The following KMT2D variants were observed in gnomAD, a reference collection of about 807,000 sequenced individuals.
KMT2D encodes the protein histone-lysine N-methyltransferase 2D.
In KMT2D, 55 loss-of-function variants were observed where a neutral mutation model predicts 512.7. That is an observed-to-expected ratio of 0.11 (90% CI 0.09 to 0.13). KMT2D has a LOEUF of 0.13. KMT2D is among the 10% of genes least tolerant of loss of function. The pLI is 1.00. For synonymous variants in KMT2D, 2,995 were observed against 2,904.0 expected, an observed-to-expected ratio of 1.03 and a Z score of -1.01; for missense variants, 6,061 against 7,127.9, an observed-to-expected ratio of 0.85 and a Z score of 5.39.
In KMT2D at chr12:49,052,634, T is replaced by C; in HGVS notation, c.1188A>G (p.Pro396=). The change falls in exon 10 of 55, where the codon CCA becomes CCG. Residue 396 remains proline (P), a synonymous_variant. Coordinates refer to ENST00000301067, the MANE Select transcript of KMT2D (RefSeq NM_003482.4). ...GCATAGAGGTCACGTGCCCACCCTT[T>C]GGCTGCCCTTGGCATGCAACGTACA... is the stretch of plus-strand genomic sequence containing the variant. ...DALYVACQGQ[P]KGGHVTSMQP... The C allele has an allele frequency of 6.2e-7, 1 of 1,613,682 alleles. No homozygotes were observed. Among genetic ancestry groups the C allele is most frequent in the Non-Finnish European group, 8.5e-7 (1 of 1,179,694 alleles).
At position 49,032,012 on chromosome 12, in the gene KMT2D, CAGCTGCCGCTGCATGAGGAGTGCCTGT is replaced by C; in HGVS notation, c.12666_12692del (p.Ala4224_Gln4232del). 3 of 1,607,076 alleles carry C rather than the reference CAGCTGCCGCTGCATGAGGAGTGCCTGT, an allele frequency of 1.9e-6. No homozygotes were observed. Among genetic ancestry groups the C allele is most frequent in the South Asian group, 1.1e-5 (1 of 90,356 alleles). On this transcript the variant is annotated inframe_deletion, in exon 40 of 55. Transcript: ENST00000301067. ...TCTGGCGTACTGCCTGACTCTGCTG[CAGCTGCCGCTGCATGAGGAGTGCCTGT>C]AGCTGCTGCTGCTGCTGAGGACTTA...
chr12:49,050,980 A>G lies in KMT2D; in HGVS notation c.2703T>C (p.Ser901=), dbSNP rs2120661130. ...LSPLLGEPAL[S]EPGEPPLSPL... ...GGGACAGAGGTGGTTCCCCAGGCTC[A>G]GACAGGGCTGGCTCTCCAAGCAAGG... The change falls in exon 11 of 55, where the codon TCT becomes TCC. Residue 901 remains serine (S), a synonymous_variant. Coordinates refer to ENST00000301067, the MANE Select transcript of KMT2D (RefSeq NM_003482.4). The G allele has an allele frequency of 6.4e-7, 1 of 1,565,192 alleles. No individual in the cohort carries two copies. The highest frequency in any genetic ancestry group is 1.2e-5 in the South Asian group (1 of 82,930).
intron 15 of KMT2D, 39 bp downstream of exon 15, chr12:49,047,926 C>G (rs755444261): frequency 7.1e-7 from 1 of 1,404,326 alleles, no homozygotes; most frequent in South Asian, 1.2e-5. Flanking sequence ...AATAACTGAC[C>G]CTATTCCCCA....
Position 49,054,035 on chromosome 12 carries a change from ATAGG to A in KMT2D, c.612_615del (p.Leu205ProfsTer2). On this transcript the variant is annotated frameshift_variant, in exon 6 of 55. Coordinates refer to ENST00000301067, the MANE Select transcript of KMT2D (RefSeq NM_003482.4). LOFTEE classifies it high-confidence loss of function. This position sits in a 1 kb window ranked among gnomAD's most constrained non-coding sequence, Gnocchi z 6.4. Reference sequence around the variant, plus strand: ...CATAGCAGCTGCAGTGTTTTCATGGATAGGAAGGAACCGCTGGCAGTCGCGCAGG... The same window carrying A: ...CATAGCAGCTGCAGTGTTTTCATGGAAAGGAACCGCTGGCAGTCGCGCAGG... The A allele has an allele frequency of 6.2e-7, 1 of 1,613,914 alleles. No individual in the cohort carries two copies. Among genetic ancestry groups the A allele is most frequent in the Non-Finnish European group, 8.5e-7 (1 of 1,179,878 alleles).
At position 49,047,380 on chromosome 12, in the gene KMT2D, G is replaced by C. The variant is rs550079310; in HGVS notation, c.4236+585C>G. Reference sequence around the variant, plus strand: ...GCCAAGCCCCTAAAAAGAGACTGTGGACCGAATTAGGTCCCCCAGTTTTTC... The same window carrying C: ...GCCAAGCCCCTAAAAAGAGACTGTGCACCGAATTAGGTCCCCCAGTTTTTC... On this transcript the variant is annotated intron_variant, in intron 15 of 54. Coordinates refer to ENST00000301067, the MANE Select transcript of KMT2D (RefSeq NM_003482.4). Among the ~76,000 whole-genome samples the C allele has an allele frequency of 2.7e-5, 4 of 150,474 alleles. No homozygotes were observed. The South Asian group carries it at 8.5e-4, about 32-fold the overall frequency.
Position 49,029,223 on chromosome 12 carries a change from C to T in KMT2D, c.14089G>A (p.Glu4697Lys), listed in dbSNP as rs2120394455. The T allele has an allele frequency of 1.2e-6, 2 of 1,612,088 alleles. No homozygotes were observed. The highest frequency in any genetic ancestry group is 1.7e-6 in the Non-Finnish European group (2 of 1,178,270). ...ATGCTGTCAGGAGAATCGCTATCCT[C>T]ATCACTCTCCATCCTGGGGACCAAA... ...QTEDVRMESD[E>K]DSDSPDSIVP... is the part of the protein sequence containing the mutation. The change falls in exon 45 of 55, where the codon GAG becomes AAG. Residue 4697 changes from glutamate (E) to lysine (K), a missense_variant. Around this residue, in one of 16 missense-constraint regions of KMT2D, gnomAD observed 1,600 missense variants for 1,754.9 expected, o/e 0.91. Transcript: ENST00000301067.
At position 49,037,386 on chromosome 12, in the gene KMT2D, C is replaced by G. The variant is rs765543006; in HGVS notation, c.9970G>C (p.Gly3324Arg). The G allele has an allele frequency of 1.6e-5, 26 of 1,608,398 alleles. No homozygotes were observed. Among genetic ancestry groups the G allele is most frequent in the Admixed American group, 1.2e-4 (7 of 59,140 alleles). Residue 3324 changes from glycine to arginine, a missense_variant, in exon 35 of 55, where the codon GGT (glycine) becomes CGT (arginine). Around this residue, in one of 16 missense-constraint regions of KMT2D, gnomAD observed 533 missense variants for 539.6 expected, o/e 0.99. Coordinates refer to ENST00000301067, the MANE Select transcript of KMT2D (RefSeq NM_003482.4). ...SLGLAGARQP[G>R]LPQPLMPTQP... Reference sequence around the variant, plus strand: ...GTGGGCATCAGTGGCTGGGGCAAACCTGGCTGTCGGGCACCTGCAAGACCC... The same window carrying G: ...GTGGGCATCAGTGGCTGGGGCAAACGTGGCTGTCGGGCACCTGCAAGACCC...
In KMT2D at chr12:49,019,606, C is replaced by A. The variant is rs902517120; in HGVS notation, c.*2174G>T. On this transcript the variant is annotated 3_prime_UTR_variant, in exon 55 of 55. Coordinates refer to ENST00000301067, the MANE Select transcript of KMT2D (RefSeq NM_003482.4). ...CCCAAGCCCCAAACACAGCCTGACT[C>A]ACGGGAGCCAATCTCCCCCTCCCTG... 7 of 229,738 alleles carry A rather than the reference C, an allele frequency of 3.0e-5. No individual in the cohort carries two copies. The highest frequency in any genetic ancestry group is 1.6e-4 in the African/African-American group (7 of 45,066). The allele number at this position is 229,738 out of a possible 1,614,324, so 14.2% of individuals were successfully genotyped here. A position where few individuals can be genotyped will look rare whatever the true frequency, so the allele number is the denominator to read the frequency against.
intron 35 of KMT2D, among the ~76,000 whole-genome samples, chr12:49,036,655 A>G (rs887376616): frequency 6.6e-6 from 1 of 151,858 alleles, no homozygotes; most frequent in Non-Finnish European, 1.5e-5. Flanking sequence ...CGCCCGGCTC[A>G]CACCCAGCTA....
In KMT2D at chr12:49,051,653, T is replaced by C. The variant is rs2120674015; in HGVS notation, c.2030A>G (p.Glu677Gly). ...EESPLSPPPE[E>G]SPTSPPPEAS... ...CTCAGGTGGAGGGGACGTGGGAGAC[T>C]CCTCAGGCGGTGGGGACAAGGGAGA... Residue 677 changes from glutamate to glycine, a missense_variant, in exon 11 of 55, where the codon GAG (glutamate) becomes GGG (glycine). Glu to Gly is a moderately conservative substitution (Grantham distance 98). Coordinates refer to ENST00000301067, the MANE Select transcript of KMT2D (RefSeq NM_003482.4). 1 of 1,563,658 alleles carries C rather than the reference T, an allele frequency of 6.4e-7. No homozygotes were observed. Among genetic ancestry groups the C allele is most frequent in the South Asian group, 1.2e-5 (1 of 83,498 alleles).
Position 49,030,421 on chromosome 12 carries a change from G to T in KMT2D, c.13858C>A (p.Pro4620Thr). Residue 4620 changes from proline (P) to threonine (T), a missense_variant, in exon 43 of 55, where the codon CCG becomes ACG. Coordinates refer to ENST00000301067, the MANE Select transcript of KMT2D (RefSeq NM_003482.4). ...LLTKNNLSNP[P>T]TPPSSLPPTP... The stretch of plus-strand genomic sequence containing the variant: ...GGGGGCAGCGACGAGGGTGGTGTCG[G>T]CGGGTTACTCAGGTTATTCTGAGGG... 7.8e-7 allele frequency: 1 copy of T among 1,288,666 alleles called. No homozygotes were observed. Among genetic ancestry groups the T allele is most frequent in the Non-Finnish European group, 1.0e-6 (1 of 965,020 alleles). 79.8% of individuals were successfully genotyped at this position (1,288,666 alleles called of 1,614,324 possible).
chr12:49,029,106 C>A lies in KMT2D; in HGVS notation c.14206G>T (p.Ala4736Ser), dbSNP rs758164631. Residue 4736 changes from alanine (A) to serine (S), a missense_variant, in exon 45 of 55, where the codon GCC (alanine) becomes TCC (serine). Physicochemically the swap from Ala to Ser is moderately conservative, Grantham distance 99 (BLOSUM62 1). Coordinates refer to ENST00000301067, the MANE Select transcript of KMT2D (RefSeq NM_003482.4). ...GSGRWEQEDR[A>S]LSPVIPLIPR... The stretch of plus-strand genomic sequence containing the variant: ...ATGAGGGGGATGACAGGGGAGAGGG[C>A]CCGGTCCTCTTGCTCCCACCGGCCT... 2.2e-5 allele frequency: 35 copies of A among 1,610,378 alleles called. No homozygotes were observed. The highest frequency in any genetic ancestry group is 3.0e-5 in the Non-Finnish European group (35 of 1,177,402).
rs775760432 is a variant in KMT2D, at chr12:49,045,988, G to A, written c.4694-21C>T. On this transcript the variant is annotated intron_variant, in intron 18 of 54. Coordinates refer to ENST00000301067, the MANE Select transcript of KMT2D (RefSeq NM_003482.4). ...AGGCGCTATGGAGAGAAGGACAAAC[G>A]GAGGTGGCTGAGGTCCTGTCCCAAA... 2.5e-5 allele frequency: 41 copies of A among 1,613,766 alleles called. 1 individual carries two copies. The highest frequency in any genetic ancestry group is 1.9e-4 in the South Asian group (17 of 91,078).
In KMT2D at chr12:49,052,439, A is replaced by C. The variant is rs747689383; in HGVS notation, c.1259-15T>G. ...CCCTGCTTTCCCTGCAGACACAACA[A>C]CACGATGCTCCTATCTAGCTCAGAT... On this transcript the variant is annotated splice_polypyrimidine_tract_variant and intron_variant, in intron 10 of 54. Coordinates refer to ENST00000301067, the MANE Select transcript of KMT2D (RefSeq NM_003482.4). The C allele has an allele frequency of 6.5e-6, 10 of 1,542,688 alleles. No individual in the cohort carries two copies. Among genetic ancestry groups the C allele is most frequent in the Admixed American group, 3.9e-5 (2 of 51,314 alleles).
Position 49,034,250 on chromosome 12 carries a change from C to A in KMT2D, c.10557G>T (p.Gln3519His), listed in dbSNP as rs1450963712. 6.2e-7 allele frequency: 1 copy of A among 1,613,672 alleles called. No homozygotes were observed. ...QYEEWLFHTQ[Q>H]LLQMQLKVLE... ...GCACCTTCAGCTGCATCTGTAGGAG[C>A]TGCTGGGTATGGAACAGCCACTCCT... Residue 3519 changes from glutamine (Q) to histidine (H), a missense_variant, in exon 39 of 55, where the codon CAG (glutamine) becomes CAT (histidine). Coordinates refer to ENST00000301067, the MANE Select transcript of KMT2D (RefSeq NM_003482.4).
rs774207719 is a variant in KMT2D, at chr12:49,051,720, G to A, written c.1963C>T (p.Pro655Ser). 6.3e-7 allele frequency: 1 copy of A among 1,589,348 alleles called. No individual in the cohort carries two copies. Among genetic ancestry groups the A allele is most frequent in the Non-Finnish European group, 8.6e-7 (1 of 1,162,786 alleles). ...GACAGGCGTGACACCACAGGCAGGG[G>A]GGATAGGCGCGATACCTCAGGTGGG... ...SPPPEVSRLS[P>S]LPVVSRLSPP... Residue 655 changes from proline to serine, a missense_variant, in exon 11 of 55, where the codon CCC becomes TCC. Pro to Ser is a moderately conservative substitution (Grantham distance 74). Coordinates refer to ENST00000301067, the MANE Select transcript of KMT2D (RefSeq NM_003482.4).
chr12:49,023,411 C>G (rs770306439), intron 51 of KMT2D, among the ~76,000 whole-genome samples: 3 of 152,168 alleles, frequency 2.0e-5, no homozygotes, highest in Admixed American at 2.0e-4. Context: ...ATCCTTTCTT[C>G]GGACTGTCCC....
rs1234647444 is a variant in KMT2D at position 49,046,574 on chromosome 12, C to T, written c.4418+35G>A. On this transcript the variant is annotated intron_variant, in intron 16 of 54. Coordinates refer to ENST00000301067, the MANE Select transcript of KMT2D (RefSeq NM_003482.4). This position sits in a 1 kb window ranked among gnomAD's most constrained non-coding sequence, Gnocchi z 4.2. ...TCATATCCACTTTAACATCTCAAGG[C>T]CCCAGGGCTCCACTGAAGATCCCAG... The T allele has an allele frequency of 1.3e-6, 2 of 1,593,982 alleles. No individual in the cohort carries two copies. Among genetic ancestry groups the T allele is most frequent in the Non-Finnish European group, 1.7e-6 (2 of 1,167,138 alleles).
chr12:49,031,499 C>G lies in KMT2D; in HGVS notation c.13206G>C (p.Val4402=). Residue 4402 remains valine, a synonymous_variant, in exon 40 of 55, where the codon GTG becomes GTC. Transcript: ENST00000301067. The stretch of plus-strand genomic sequence containing the variant: ...ATGCCTCAGGCACCACCTGTCCATT[C>G]ACCTGGTCCAGATGCCCAGGTACCA... The part of the protein sequence containing the change: ...SSLVPGHLDQ[V]NGQVVPEASQ... 1 of 1,612,868 alleles carries G rather than the reference C, an allele frequency of 6.2e-7. No individual in the cohort carries two copies.
Sources: gnomAD v4.1 joint callset for allele counts (sites outside exome capture counted in the v4.1 genomes callset) on GRCh38, gnomAD v4.1.1 for gene constraint, gnomAD v4.1.1 regional missense constraint, Gnocchi (gnomAD v3.1) non-coding constraint, MANE v1.5 for transcripts, NCBI Gene and HGNC (gene_info 2026-07-23, HGNC 2026-07-21) for gene names.